Variants in PRLR observed in about 807,000 individuals in gnomAD.
The protein encoded by PRLR is prolactin receptor, also known as hPRL receptor.
In PRLR, 13 loss-of-function variants were observed where a neutral mutation model predicts 40.2. The ratio of observed to expected loss-of-function variants is 0.32; its 90% CI spans 0.21 to 0.51. PRLR has a LOEUF of 0.51. Among genes scored for constraint, PRLR ranks in the 20% least tolerant of loss-of-function variants. The probability of loss-of-function intolerance (pLI) is 0.97; values close to 1 mark genes in which losing one functional copy is unlikely to be tolerated. For synonymous variants in PRLR, 269 were observed against 278.7 expected (o/e 0.97, Z 0.35); for missense variants, 656 against 747.3 (o/e 0.88, Z 1.42).
At chr5:35,088,479 T>C (rs1247930027) in intron 3 of PRLR, among the ~76,000 whole-genome samples, 1 of 152,170 alleles carries the variant, frequency 6.6e-6, no homozygotes, top group Non-Finnish European at 1.5e-5. Context: ...TCTTGAGTAT[T>C]TAGTTTCTCT....
intron 1 of PRLR, among the ~76,000 whole-genome samples, chr5:35,167,192 C>T (rs114251876): frequency 6.9e-6 from 1 of 144,538 alleles, no homozygotes; most frequent in African/African-American, 2.5e-5. Flanking sequence ...TATCTATCAT[C>T]TAACTCTTTA....
intron 2 of PRLR, among the ~76,000 whole-genome samples, chr5:35,093,950 G>T: frequency 6.6e-6 from 1 of 152,180 alleles, no homozygotes; most frequent in East Asian, 1.9e-4. Context: ...GCCTAGGTGT[G>T]TAGTAGGCTA....
intron 8 of PRLR, among the ~76,000 whole-genome samples, chr5:35,049,641 GTCTA>G (rs1246351703): frequency 6.6e-6 from 1 of 152,078 alleles, no homozygotes; most frequent in Non-Finnish European, 1.5e-5. Context: ...CTCTACATGT[GTCTA>G]TCTGTGTATA....
intron 2 of PRLR, among the ~76,000 whole-genome samples, chr5:35,105,310 G>A (rs1345957745): frequency 6.6e-6 from 1 of 152,182 alleles, no homozygotes; most frequent in Non-Finnish European, 1.5e-5. Context: ...AAATCAGAGT[G>A]CCTCTTCTCC....
intron 3 of PRLR, among the ~76,000 whole-genome samples, chr5:35,088,852 C>T (rs1255672700): frequency 6.6e-6 from 1 of 152,162 alleles, no homozygotes; most frequent in Non-Finnish European, 1.5e-5. Flanking sequence ...GAAGTGTGCA[C>T]ATACGGATAT....
At chr5:35,096,787 AT>A (rs1454034380) in intron 2 of PRLR, among the ~76,000 whole-genome samples, 1 of 151,878 alleles carries the variant, frequency 6.6e-6, no homozygotes, top group Admixed American at 6.6e-5. Flanking sequence ...CGCCTGGCTA[AT>A]TTTTGTATTT....
chr5:35,185,016 G>C lies in PRLR; in HGVS notation c.-106+45252C>G, dbSNP rs552486719. 5.3e-5 allele frequency among the ~76,000 whole-genome samples: 8 copies of C among 152,358 alleles called. No individual in the cohort carries two copies. The East Asian group carries it at 1.5e-3, about 29-fold the overall frequency. ...GAAAGTTTTGTTTTGCATAAACACA[G>C]TTTCAACCGCTGGAAGGACTTTAGA... is the stretch of plus-strand genomic sequence containing the variant. On this transcript the variant is annotated intron_variant, in intron 1 of 9. Transcript: ENST00000618457.
chr5:35,146,467 C>T (rs1774184402), intron 1 of PRLR, among the ~76,000 whole-genome samples: 1 of 152,152 alleles, frequency 6.6e-6, no homozygotes, highest in Admixed American at 6.5e-5. Flanking sequence ...TTTAACAGAG[C>T]TCTTTCCAAA....
chr5:35,089,389 C>T (rs1771064484), intron 3 of PRLR, among the ~76,000 whole-genome samples, 162 bp downstream of exon 3: 1 of 152,204 alleles, frequency 6.6e-6, no homozygotes, highest in African/African-American at 2.4e-5. Flanking sequence ...ATTAATTTTT[C>T]TGCATTAACT....
chr5:35,093,175 A>G (rs1771326627), intron 2 of PRLR, among the ~76,000 whole-genome samples: 2 of 152,132 alleles, frequency 1.3e-5, no homozygotes, highest in Non-Finnish European at 2.9e-5. Context: ...GTCTCCCTAC[A>G]TGGAAAATCG....
intron 2 of PRLR, among the ~76,000 whole-genome samples, chr5:35,107,265 G>C (rs1292531172): frequency 6.6e-6 from 1 of 152,190 alleles, no homozygotes; most frequent in Non-Finnish European, 1.5e-5. Context: ...ATGCCCACAA[G>C]AGAAAGCAGG....
In PRLR at chr5:35,215,036, A is replaced by G. The variant is rs549337142; in HGVS notation, c.-106+15232T>C. On this transcript the variant is annotated intron_variant, in intron 1 of 9. Transcript: ENST00000618457. ...CCCCCTACCTATTCCCCCTTCCCCT[A>G]ACATAAAAGGAGCCTAACAATCTAT... Among the ~76,000 whole-genome samples, 4 of 151,910 alleles carry G rather than the reference A, an allele frequency of 2.6e-5. No individual in the cohort carries two copies. In the South Asian group the frequency reaches 8.4e-4, roughly 32 times the overall value.
chr5:35,140,119 C>G (rs1773974756), intron 1 of PRLR, among the ~76,000 whole-genome samples: 1 of 152,136 alleles, frequency 6.6e-6, no homozygotes, highest in African/African-American at 2.4e-5. Context: ...ATTATGATTA[C>G]TCAAGATCTG....
intron 5 of PRLR, among the ~76,000 whole-genome samples, chr5:35,080,044 G>A (rs1006995631): frequency 7.9e-5 from 12 of 152,160 alleles, no homozygotes; most frequent in African/African-American, 2.6e-4. Context: ...AATTCAAGAT[G>A]GATTTAAGAC....
chr5:35,078,758 A>T (rs1388049699), intron 5 of PRLR, among the ~76,000 whole-genome samples: 1 of 152,208 alleles, frequency 6.6e-6, no homozygotes, highest in African/African-American at 2.4e-5. Context: ...ACAACCAAAA[A>T]AGAGAACTTT....
intron 2 of PRLR, among the ~76,000 whole-genome samples, chr5:35,098,705 G>T (rs1771682980): frequency 1.3e-5 from 2 of 152,136 alleles, no homozygotes; most frequent in Admixed American, 6.5e-5. Flanking sequence ...AGCTTTGAAG[G>T]TGAGAAGGAA....
chr5:35,069,628 A>G (rs1769613624), intron 7 of PRLR, among the ~76,000 whole-genome samples: 1 of 152,252 alleles, frequency 6.6e-6, no homozygotes, highest in African/African-American at 2.4e-5. Context: ...GCTGTAAAGC[A>G]TTTTAAAAAT....
chr5:35,196,582 T>C (rs1467596306), intron 1 of PRLR, among the ~76,000 whole-genome samples: 1 of 152,132 alleles, frequency 6.6e-6, no homozygotes, highest in Non-Finnish European at 1.5e-5. Context: ...GACAAGAAAG[T>C]TAGCTAGTAG....
At chr5:35,168,656 G>A (rs1444150395) in intron 1 of PRLR, among the ~76,000 whole-genome samples, 1 of 152,124 alleles carries the variant, frequency 6.6e-6, no homozygotes, top group Non-Finnish European at 1.5e-5. Context: ...GAAGTGAATA[G>A]TAATAAAAGT....
Sources: gnomAD v4.1 joint callset for allele counts (sites outside exome capture counted in the v4.1 genomes callset) on GRCh38, gnomAD v4.1.1 for gene constraint, MANE v1.5 for transcripts, NCBI Gene and HGNC (gene_info 2026-07-23, HGNC 2026-07-21) for gene names.